The following DOLPP1 variants were observed in gnomAD, a reference collection of about 807,000 sequenced individuals.
The protein encoded by DOLPP1 is dolichyl pyrophosphate phosphatase 1.
A neutral mutation model predicts 34.1 loss-of-function variants in DOLPP1; 15 were observed. The ratio of observed to expected loss-of-function variants is 0.44; its 90% confidence interval spans 0.29 to 0.68. The LOEUF (loss-of-function observed/expected upper bound fraction) is 0.68, where lower values mean the gene tolerates loss of function less well. Among genes scored for constraint, DOLPP1 ranks in the 30% least tolerant of loss-of-function variants. DOLPP1 has a pLI of 0.12. For missense variants in DOLPP1, 249 were observed against 307.1 expected, an observed-to-expected ratio of 0.81 and a Z score of 1.41; for synonymous variants, 130 against 128.2, an observed-to-expected ratio of 1.01 and a Z score of -0.10.
At chr9:129,084,804 C>T in intron 2 of DOLPP1, 36 bp downstream of exon 2, 2 of 1,451,008 alleles carry the variant, frequency 1.4e-6, no homozygotes, top group Non-Finnish European at 1.9e-6. Context: ...CCCACCCCAC[C>T]CCCAGTGCCC....
In DOLPP1 at chr9:129,086,187, C is replaced by T. The variant is rs770127639; in HGVS notation, c.510C>T (p.Ile170=). 7 of 1,613,376 alleles carry T rather than the reference C, an allele frequency of 4.3e-6. No homozygotes were observed. The highest frequency in any genetic ancestry group is 1.7e-5 in the Admixed American group (1 of 59,996). ...GGAGCCAGGTGCTCTATGGAGGCAT[C>T]GCTGGAGGCCTCATGGCCATCGCCT... ...HTWSQVLYGG[I]AGGLMAIAWF... Residue 170 remains isoleucine (I), a synonymous_variant, in exon 6 of 8, where the codon ATC becomes ATT. Transcript: ENST00000372546.
chr9:129,084,888 C>G, intron 2 of DOLPP1, 120 bp downstream of exon 2: 2 of 1,137,718 alleles, frequency 1.8e-6, no homozygotes, highest in East Asian at 3.1e-5. Context: ...TCTTGAGGTG[C>G]GTGGAGCCTC....
Position 129,084,677 on chromosome 9 carries a change from CT to C in DOLPP1, c.87del (p.Gly30AlafsTer7). 6.2e-7 allele frequency: 1 copy of C among 1,610,744 alleles called. No individual in the cohort carries two copies. The highest frequency in any genetic ancestry group is 8.5e-7 in the Non-Finnish European group (1 of 1,176,880). The stretch of plus-strand genomic sequence containing the variant: ...TTCTCTGTCTTGCCAGGTGATCTCT[CT>C]GGCCACCTCCTTGCCTACCTGAGCC... Reference protein sequence around the residue: ...THVEYPAGDLSGHLLAYLSLS... With the variant: ...THVEYPAGDLXGHLLAYLSLS... On this transcript the variant is annotated frameshift_variant, in exon 2 of 8. Transcript: ENST00000372546. LOFTEE classifies it high-confidence loss of function.
intron 1 of DOLPP1, among the ~76,000 whole-genome samples, chr9:129,082,519 C>T (rs986573573): frequency 2.0e-5 from 3 of 152,180 alleles, no homozygotes; most frequent in African/African-American, 2.4e-5. Context: ...GAAAGACTTG[C>T]TAAGGCCTCT....
chr9:129,088,851 A>G (rs1847042875), intron 7 of DOLPP1, 120 bp from the exon 8 acceptor site: 2 of 978,294 alleles, frequency 2.0e-6, no homozygotes, highest in South Asian at 1.4e-5. Flanking sequence ...GTTCAGGTCA[A>G]TCGCTGGCTA....
chr9:129,081,281 G>C (rs570734627), intron 1 of DOLPP1, 74 bp downstream of exon 1: 1 of 1,566,352 alleles, frequency 6.4e-7, no homozygotes. Context: ...CGGCCTGCTC[G>C]AGCCCGCGGA....
intron 1 of DOLPP1, among the ~76,000 whole-genome samples, chr9:129,084,228 C>T (rs1253492250): frequency 2.6e-5 from 4 of 152,154 alleles, no homozygotes; most frequent in African/African-American, 9.7e-5. Context: ...CGGGCTGCCT[C>T]CCAGGTCCCA....
chr9:129,085,398 T>C lies in DOLPP1; in HGVS notation c.362+92T>C. The C allele has an allele frequency of 6.7e-7, 1 of 1,496,330 alleles. No individual in the cohort carries two copies. The highest frequency in any genetic ancestry group is 9.3e-7 in the Non-Finnish European group (1 of 1,076,172). 92.7% of individuals were successfully genotyped at this position (1,496,330 alleles called of 1,614,324 possible). ...GCTAGCCCTTTGGATGCCCCTGGGG[T>C]GGGAGGGGCTGCAGCGGAGGCAGAA... On this transcript the variant is annotated intron_variant, in intron 4 of 7. Transcript: ENST00000372546. The surrounding 1 kb of genome is among the most constrained non-coding windows in gnomAD (Gnocchi z 7.0).
rs183863143 is a variant in DOLPP1 at position 129,086,778 on chromosome 9, G to A, written c.660G>A (p.Thr220=). The part of the protein sequence containing the change: ...LIPNVLWFEY[T]VTRAEARNRQ... ...CCAACGTACTCTGGTTTGAGTACAC[G>A]GTAACCCGGGCAGAAGCCAGGTGAG... Residue 220 remains threonine, a synonymous_variant, in exon 7 of 8, where the codon ACG becomes ACA. Coordinates refer to ENST00000372546, the MANE Select transcript of DOLPP1 (RefSeq NM_020438.5). 1.4e-5 allele frequency: 22 copies of A among 1,613,688 alleles called. No homozygotes were observed. The highest frequency in any genetic ancestry group is 1.6e-4 in the Middle Eastern group (1 of 6,062).
chr9:129,086,509 C>T (rs918547478), intron 6 of DOLPP1, among the ~76,000 whole-genome samples, 200 bp from the exon 7 acceptor site: 1 of 152,188 alleles, frequency 6.6e-6, no homozygotes, highest in Non-Finnish European at 1.5e-5. Flanking sequence ...GCTGTGTGTG[C>T]CGTGGGACAG....
At chr9:129,088,881 T>C (rs1847043146) in intron 7 of DOLPP1, 90 bp from the exon 8 acceptor site, 3 of 1,351,978 alleles carry the variant, frequency 2.2e-6, no homozygotes, top group Middle Eastern at 3.7e-4. Flanking sequence ...GGCATTTGCC[T>C]ACTTAGTTGG....
chr9:129,081,858 A>G (rs539697364), intron 1 of DOLPP1, among the ~76,000 whole-genome samples: 1 of 152,302 alleles, frequency 6.6e-6, no homozygotes, highest in Non-Finnish European at 1.5e-5. Context: ...GAGGCTGTCT[A>G]GTAAGAGTGG....
Position 129,089,109 on chromosome 9 carries a change from C to T in DOLPP1, c.*102C>T, listed in dbSNP as rs1847047054. 2 of 1,156,368 alleles carry T rather than the reference C, an allele frequency of 1.7e-6. No individual in the cohort carries two copies. Among genetic ancestry groups the T allele is most frequent in the Admixed American group, 2.0e-5 (1 of 50,536 alleles). 71.6% of individuals were successfully genotyped at this position (1,156,368 alleles called of 1,614,324 possible). A position where few individuals can be genotyped will look rare whatever the true frequency, so the allele number is the denominator to read the frequency against. ...GGACGAAGCAGAGACCTCTACAGAC[C>T]CAAGTCACCAAGTGGAGCCTTTTTT... On this transcript the variant is annotated 3_prime_UTR_variant, in exon 8 of 8. Transcript: ENST00000372546. The surrounding 1 kb of genome is among the most constrained non-coding windows in gnomAD (Gnocchi z 4.9).
At chr9:129,088,663 A>G (rs1395869121) in intron 7 of DOLPP1, among the ~76,000 whole-genome samples, 1 of 152,152 alleles carries the variant, frequency 6.6e-6, no homozygotes, top group African/African-American at 2.4e-5. Flanking sequence ...CCCATAACTA[A>G]TTGGAACCCA....
chr9:129,086,391 C>A, intron 6 of DOLPP1, 124 bp downstream of exon 6: 2 of 1,288,148 alleles, frequency 1.6e-6, no homozygotes, highest in Non-Finnish European at 2.1e-6. Context: ...CCCAGTGCCC[C>A]AGGGTTTGTG....
intron 1 of DOLPP1, 136 bp downstream of exon 1, chr9:129,081,343 G>A: frequency 8.9e-7 from 1 of 1,117,798 alleles, no homozygotes; most frequent in South Asian, 1.7e-5. Context: ...ACCACGGAGG[G>A]GCTCGGCCGG....
In DOLPP1 at chr9:129,081,186, A is replaced by T; in HGVS notation, c.55A>T (p.Thr19Ser). The change falls in exon 1 of 8, where the codon ACC (threonine) becomes TCC (serine). Residue 19 changes from threonine to serine, a missense_variant. Transcript: ENST00000372546. Reference sequence around the variant, plus strand: ...CGCTTCATGGCGGCCGGTGACCCTCACCCACGTCGAATATCCTGCAGGTAA... The same window carrying T: ...CGCTTCATGGCGGCCGGTGACCCTCTCCCACGTCGAATATCCTGCAGGTAA... Reference protein sequence around the residue: ...LPASWRPVTLTHVEYPAGDLS... With the variant: ...LPASWRPVTLSHVEYPAGDLS... The T allele has an allele frequency of 6.2e-7, 1 of 1,610,070 alleles. No homozygotes were observed. The highest frequency in any genetic ancestry group is 8.5e-7 in the Non-Finnish European group (1 of 1,179,534).
chr9:129,084,941 A>G, intron 2 of DOLPP1, 82 bp from the exon 3 acceptor site: 1 of 1,473,646 alleles, frequency 6.8e-7, no homozygotes, highest in Admixed American at 1.8e-5. Context: ...TGGGAGGTTC[A>G]GTCAGAGGCC....
At chr9:129,082,179 A>C (rs1846902951) in intron 1 of DOLPP1, among the ~76,000 whole-genome samples, 1 of 152,140 alleles carries the variant, frequency 6.6e-6, no homozygotes, top group South Asian at 2.1e-4. Context: ...GTTGCCTGGG[A>C]AGGGCCTGCT....
Sources: allele counts gnomAD v4.1 joint callset (sites outside exome capture counted in the v4.1 genomes callset), GRCh38; gene constraint gnomAD v4.1.1; non-coding constraint Gnocchi (gnomAD v3.1); transcripts MANE v1.5; gene names NCBI Gene and HGNC (gene_info 2026-07-23, HGNC 2026-07-21).